Variants in GCKR observed in about 807,000 individuals in gnomAD.
The protein encoded by GCKR is glucokinase regulatory protein.
A neutral mutation model predicts 82.9 loss-of-function variants in GCKR; 73 were observed. The ratio of observed to expected loss-of-function variants is 0.88; its 90% CI spans 0.73 to 1.07. GCKR has a LOEUF of 1.07. Among genes scored for constraint, GCKR ranks in the 50% least tolerant of loss-of-function variants. GCKR has a pLI of 0.00. For missense variants in GCKR, 784 were observed against 782.1 expected (o/e 1.00, Z -0.03); for synonymous variants, 294 against 291.8 (o/e 1.01, Z -0.08).
chr2:27,514,076 G>C (rs1669948008), intron 16 of GCKR, among the ~76,000 whole-genome samples: 1 of 151,632 alleles, frequency 6.6e-6, no homozygotes, highest in Non-Finnish European at 1.5e-5. Flanking sequence ...TTGTTAGTGG[G>C]TTCTAGTATT....
Position 27,505,804 on chromosome 2 carries a change from G to T in GCKR, c.837G>T (p.Lys279Asn), listed in dbSNP as rs1213646037. The change falls in exon 10 of 19, where the codon AAG (lysine) becomes AAT (asparagine). Residue 279 changes from lysine to asparagine, a missense_variant. Physicochemically the swap from Lys to Asn is moderately conservative, Grantham distance 94 (BLOSUM62 0). Transcript: ENST00000264717. ...AAACCCTGTTATTAGCAGCCCATAA[G>T]ACTGTGGACCAGGGCATTGCAGCAT... is the stretch of plus-strand genomic sequence containing the variant. ...LLETLLLAAHKTVDQGIAASQ... is the reference protein window; with the variant it reads ...LLETLLLAAHNTVDQGIAASQ... 2 of 1,600,434 alleles carry T rather than the reference G, an allele frequency of 1.2e-6. No individual in the cohort carries two copies. The highest frequency in any genetic ancestry group is 3.3e-5 in the Admixed American group (2 of 60,012).
intron 16 of GCKR, 147 bp from the exon 17 acceptor site, chr2:27,518,641 A>T: frequency 1.3e-6 from 1 of 746,332 alleles, no homozygotes; most frequent in Non-Finnish European, 2.4e-6. Flanking sequence ...CCTAACATTT[A>T]AACGCTGGGC....
At chr2:27,514,119 A>G (rs1390480445) in intron 16 of GCKR, among the ~76,000 whole-genome samples, 1 of 151,910 alleles carries the variant, frequency 6.6e-6, no homozygotes, top group Non-Finnish European at 1.5e-5. Context: ...GTTCACTGCT[A>G]CTGGTGTGTC....
intron 7 of GCKR, among the ~76,000 whole-genome samples, chr2:27,500,896 G>C (rs1669557779): frequency 6.6e-6 from 1 of 152,244 alleles, no homozygotes; most frequent in African/African-American, 2.4e-5. Context: ...TTTTAGTTCA[G>C]TAGTATTCCA....
At chr2:27,510,182 G>A (rs988591357) in intron 16 of GCKR, among the ~76,000 whole-genome samples, 1 of 151,678 alleles carries the variant, frequency 6.6e-6, no homozygotes, top group Admixed American at 6.6e-5. Flanking sequence ...CTAATTTTTT[G>A]TATTTTTTAG....
chr2:27,506,742 C>G (rs778726203), intron 11 of GCKR, 46 bp from the exon 12 acceptor site: 1 of 1,300,082 alleles, frequency 7.7e-7, no homozygotes, highest in South Asian at 1.2e-5. Context: ...TCTCTGGCCT[C>G]TTTGCACGGT....
intron 16 of GCKR, among the ~76,000 whole-genome samples, chr2:27,517,300 C>T (rs896705508): frequency 6.6e-5 from 10 of 152,090 alleles, no homozygotes; most frequent in East Asian, 1.9e-4. Context: ...AAGAACTGCC[C>T]GAGACTGGGT....
intron 10 of GCKR, 116 bp downstream of exon 10, chr2:27,505,952 A>G (rs937561819): frequency 2.6e-6 from 2 of 757,380 alleles, no homozygotes; most frequent in Non-Finnish European, 4.8e-6. Flanking sequence ...ACTGCAGCCC[A>G]CCACGCCTCC....
chr2:27,506,957 G>T lies in GCKR; in HGVS notation c.1066+72G>T. 5.0e-6 allele frequency: 5 copies of T among 995,356 alleles called. No individual in the cohort carries two copies. In the South Asian group the frequency reaches 6.4e-5, roughly 13 times the overall value. The allele number at this position is 995,356 out of a possible 1,614,324, so 61.7% of individuals were successfully genotyped here. On this transcript the variant is annotated intron_variant, in intron 12 of 18. Coordinates refer to ENST00000264717, the MANE Select transcript of GCKR (RefSeq NM_001486.4). ...CCATTCGGGCTGCTCTCCAAACACT[G>T]TCCTACTCCCAACCCATGGGTGTTC...
chr2:27,499,039 G>A, intron 5 of GCKR, 103 bp from the exon 6 acceptor site: 2 of 788,418 alleles, frequency 2.5e-6, no homozygotes, highest in South Asian at 2.8e-5. Flanking sequence ...CTCATTCAAT[G>A]ATAGTTTTCC....
intron 12 of GCKR, 67 bp from the exon 13 acceptor site, chr2:27,507,167 CT>C (rs553768996): frequency 3.2e-5 from 36 of 1,119,236 alleles, no homozygotes; most frequent in Admixed American, 8.4e-5. Context: ...TTTTCTCCCC[CT>C]GAAGCCTAGA....
chr2:27,497,058 C>T, intron 1 of GCKR, 94 bp downstream of exon 1: 2 of 1,249,594 alleles, frequency 1.6e-6, no homozygotes, highest in Non-Finnish European at 2.4e-6. Flanking sequence ...CTCACCTCTT[C>T]TTCCTTCCTG....
chr2:27,507,029 C>T (rs968035886), intron 12 of GCKR, 144 bp downstream of exon 12: 2 of 782,990 alleles, frequency 2.6e-6, no homozygotes, highest in African/African-American at 1.7e-5. Context: ...CAGTCAAATT[C>T]TTCTTCCTTA....
At chr2:27,507,564 C>T in intron 13 of GCKR, 117 bp from the exon 14 acceptor site, 1 of 739,884 alleles carries the variant, frequency 1.4e-6, no homozygotes, top group Admixed American at 2.0e-5. Flanking sequence ...TTTTGAACTT[C>T]AGCTCTTTCA....
chr2:27,513,527 CA>C (rs35348937), intron 16 of GCKR, among the ~76,000 whole-genome samples: 59 of 133,406 alleles, frequency 4.4e-4, no homozygotes, highest in Admixed American at 6.9e-4. Flanking sequence ...GACTCCGTCA[CA>C]AAAAAAAAAA....
At position 27,506,421 on chromosome 2, in the gene GCKR, C is replaced by T. The variant is rs1669744989; in HGVS notation, c.870-60C>T. The T allele has an allele frequency of 5.5e-6, 6 of 1,090,048 alleles. No homozygotes were observed. In the Admixed American group the frequency reaches 8.4e-5, roughly 15 times the overall value. The allele number at this position is 1,090,048 out of a possible 1,614,324, so 67.5% of individuals were successfully genotyped here. On this transcript the variant is annotated intron_variant, in intron 10 of 18. Transcript: ENST00000264717. ...GCCTTCACCTCCCCGCTCAGGGAGG[C>T]ACCTAAGCTTTCTGAGGGGGAATTG... is the stretch of plus-strand genomic sequence containing the variant.
chr2:27,512,462 G>A (rs1003511651), intron 16 of GCKR, among the ~76,000 whole-genome samples: 2 of 151,342 alleles, frequency 1.3e-5, no homozygotes. Flanking sequence ...TTGAACCTGG[G>A]AGGTGGAGGT....
At chr2:27,500,894 C>A (rs940386290) in intron 7 of GCKR, among the ~76,000 whole-genome samples, 2 of 152,192 alleles carry the variant, frequency 1.3e-5, no homozygotes, top group Non-Finnish European at 2.9e-5. Flanking sequence ...GATTTTAGTT[C>A]AGTAGTATTC....
At chr2:27,514,218 T>C (rs759273861) in intron 16 of GCKR, among the ~76,000 whole-genome samples, 2 of 152,134 alleles carry the variant, frequency 1.3e-5, no homozygotes, top group South Asian at 2.1e-4. Flanking sequence ...CATATACATA[T>C]GTATGTTTGT....
Sources: allele counts gnomAD v4.1 joint callset (sites outside exome capture counted in the v4.1 genomes callset), GRCh38; gene constraint gnomAD v4.1.1; transcripts MANE v1.5; gene names NCBI Gene and HGNC (gene_info 2026-07-23, HGNC 2026-07-21).